The following ZNF558 variants were observed in gnomAD, a reference collection of about 807,000 sequenced individuals.
The protein encoded by ZNF558 is zinc finger protein 558.
A neutral mutation model predicts 37.6 loss-of-function variants in ZNF558; 23 were observed. The observed-to-expected ratio is 0.61, with a 90% confidence interval of 0.44 to 0.87. ZNF558 has a LOEUF of 0.87. Ranked by LOEUF, ZNF558 falls within the 40% of genes least tolerant of loss-of-function variation. The pLI is 0.00. For synonymous variants in ZNF558, 189 were observed against 174.4 expected (o/e 1.08, Z -0.66); for missense variants, 429 against 483.7 (o/e 0.89, Z 1.06).
rs767474130 is a variant in ZNF558 at position 8,821,279 on chromosome 19, C to A, written c.148G>T (p.Val50Leu). Residue 50 changes from valine to leucine, a missense_variant, in exon 7 of 10, where the codon GTG (valine) becomes TTG (leucine). By Grantham distance (32) the Val-to-Leu change is conservative (BLOSUM62 1). Transcript: ENST00000601372. ...RGLVTFEDVA[V>L]EFTQEEWALL... ...GCCCACTCCTCCTGGGTGAACTCCA[C>A]GGCCACATCCTCGAAGGTTACCAAG... The A allele has an allele frequency of 4.3e-6, 7 of 1,614,212 alleles. No homozygotes were observed. Among genetic ancestry groups the A allele is most frequent in the Non-Finnish European group, 5.9e-6 (7 of 1,180,042 alleles).
upstream of ZNF558, among the ~76,000 whole-genome samples, chr19:8,834,469 G>A (rs759782567): frequency 6.6e-5 from 10 of 151,990 alleles, no homozygotes; most frequent in Admixed American, 1.3e-4. Flanking sequence ...TTAGCTGGGC[G>A]TGGTGGCGGG....
rs1599242182 is a variant in ZNF558 at position 8,808,388 on chromosome 19, T to G, written c.*2893A>C. 1 of 94,136 alleles carries G rather than the reference T, an allele frequency of 1.1e-5. No individual in the cohort carries two copies. Among genetic ancestry groups the G allele is most frequent in the Middle Eastern group, 6.0e-3 (1 of 166 alleles). 5.8% of individuals were successfully genotyped at this position (94,136 alleles called of 1,614,324 possible). A position where few individuals can be genotyped will look rare whatever the true frequency, so the allele number is the denominator to read the frequency against. ...TACTTTGCTATGTAAAAATATCATCTCCACATAAAAAGGAATACAGAATAC... is the reference window on the plus strand; with the variant it reads ...TACTTTGCTATGTAAAAATATCATCGCCACATAAAAAGGAATACAGAATAC... On this transcript the variant is annotated 3_prime_UTR_variant, in exon 10 of 10. Transcript: ENST00000601372.
rs1555766357 is a variant in ZNF558 at position 8,806,727 on chromosome 19, T to C, written c.*4554A>G. ...AAAAAAAAAAAAATATTCCCTCCCA[T>C]TGGAAAACATTGTTGCCTTCAGTTT... On this transcript the variant is annotated 3_prime_UTR_variant, in exon 10 of 10. Transcript: ENST00000601372. 1 of 151,716 alleles carries C rather than the reference T, an allele frequency of 6.6e-6. No individual in the cohort carries two copies. The highest frequency in any genetic ancestry group is 6.6e-5 in the Admixed American group (1 of 15,222). 9.4% of individuals were successfully genotyped at this position (151,716 alleles called of 1,614,324 possible).
rs181653629 is a variant in ZNF558 at position 8,822,980 on chromosome 19, C to T, written c.-65-256G>A. On this transcript the variant is annotated intron_variant, in intron 4 of 9. Transcript: ENST00000601372. This position sits in a 1 kb window ranked among gnomAD's most constrained non-coding sequence, Gnocchi z 4.4. ...AGAACCTCGGCTTCACGCAGTCTCA[C>T]GGCATGTTCTTCCCATCCAAGCGCA... The T allele has an allele frequency of 1.0e-5, 4 of 383,060 alleles. No homozygotes were observed. Among genetic ancestry groups the T allele is most frequent in the Non-Finnish European group, 2.0e-5 (4 of 202,240 alleles). 23.7% of individuals were successfully genotyped at this position (383,060 alleles called of 1,614,324 possible). A position where few individuals can be genotyped will look rare whatever the true frequency, so the allele number is the denominator to read the frequency against.
intron 7 of ZNF558, among the ~76,000 whole-genome samples, chr19:8,815,528 C>A (rs1247997563): frequency 6.6e-6 from 1 of 152,054 alleles, no homozygotes; most frequent in Non-Finnish European, 1.5e-5. Context: ...CATGTATAAT[C>A]CCAGCATTTT....
At position 8,818,990 on chromosome 19, in the gene ZNF558, T is replaced by C. The variant is rs2044012845; in HGVS notation, c.247+2190A>G. 2.6e-5 allele frequency among the ~76,000 whole-genome samples: 4 copies of C among 152,200 alleles called. No homozygotes were observed. In the South Asian group the frequency reaches 8.3e-4, roughly 31 times the overall value. On this transcript the variant is annotated intron_variant, in intron 7 of 9. Coordinates refer to ENST00000601372, the MANE Select transcript of ZNF558 (RefSeq NM_144693.3). ...ACATGCAAAAGAATGAAGTTGACCC[T>C]TTCTCCACACCATAAGCAAAATTCA...
In ZNF558 at chr19:8,806,298, T is replaced by C. The variant is rs2043703440; in HGVS notation, c.*4983A>G. ...ATCTTATGTTTCCTGTTGATCTTAA[T>C]TCCTGGAATTATGTATGTCTCTATG... On this transcript the variant is annotated 3_prime_UTR_variant, in exon 10 of 10. Coordinates refer to ENST00000601372, the MANE Select transcript of ZNF558 (RefSeq NM_144693.3). 6.6e-6 allele frequency: 1 copy of C among 152,208 alleles called. No homozygotes were observed. The highest frequency in any genetic ancestry group is 2.4e-5 in the African/African-American group (1 of 41,456). 9.4% of individuals were successfully genotyped at this position (152,208 alleles called of 1,614,324 possible).
chr19:8,811,159 A>C lies in ZNF558; in HGVS notation c.*122T>G. ...AAACATTTCGTGTTTGAAGCCACAA[A>C]ATTTGCGGGGATCATTTGTTATGCT... On this transcript the variant is annotated 3_prime_UTR_variant, in exon 10 of 10. Transcript: ENST00000601372. 9.1e-7 allele frequency: 1 copy of C among 1,097,260 alleles called. No individual in the cohort carries two copies. Among genetic ancestry groups the C allele is most frequent in the Non-Finnish European group, 1.3e-6 (1 of 785,290 alleles). The allele number at this position is 1,097,260 out of a possible 1,614,324, so 68.0% of individuals were successfully genotyped here.
At chr19:8,820,797 C>T (rs1483106957) in intron 7 of ZNF558, among the ~76,000 whole-genome samples, 1 of 152,146 alleles carries the variant, frequency 6.6e-6, no homozygotes, top group Non-Finnish European at 1.5e-5. Context: ...TTTTAAAACA[C>T]TGTGCTACAT....
In ZNF558 at chr19:8,822,854, A is replaced by G; in HGVS notation, c.-65-130T>C. 1 of 802,478 alleles carries G rather than the reference A, an allele frequency of 1.2e-6. No individual in the cohort carries two copies. Among genetic ancestry groups the G allele is most frequent in the South Asian group, 1.7e-5 (1 of 58,414 alleles). The allele number at this position is 802,478 out of a possible 1,614,324, so 49.7% of individuals were successfully genotyped here. On this transcript the variant is annotated intron_variant, in intron 4 of 9. Coordinates refer to ENST00000601372, the MANE Select transcript of ZNF558 (RefSeq NM_144693.3). The surrounding 1 kb of genome is among the most constrained non-coding windows in gnomAD (Gnocchi z 4.4). ...GTTCCGGCTTCCACACTGGGCCTTT[A>G]TTTTGCTGAGCAGGCAATGAATTCA... is the stretch of plus-strand genomic sequence containing the variant.
intron 4 of ZNF558, among the ~76,000 whole-genome samples, chr19:8,823,259 C>T (rs1448259243): frequency 1.3e-5 from 2 of 151,770 alleles, no homozygotes; most frequent in Non-Finnish European, 2.9e-5. Context: ...CTGAACCCAA[C>T]CTCCCTCCTC....
At chr19:8,816,043 G>A (rs1358820785) in intron 7 of ZNF558, among the ~76,000 whole-genome samples, 1 of 127,258 alleles carries the variant, frequency 7.9e-6, no homozygotes, top group Non-Finnish European at 1.7e-5. Flanking sequence ...AAAAAATAGA[G>A]ATTCATACTG....
At chr19:8,832,734 A>C (rs1339522693), upstream of ZNF558, among the ~76,000 whole-genome samples, 3 of 147,496 alleles carry the variant, frequency 2.0e-5, no homozygotes, top group African/African-American at 7.6e-5. Flanking sequence ...GGATGGTATA[A>C]GGCTTCTAGA....
At chr19:8,821,954 C>A (rs956251416) in intron 6 of ZNF558, 49 bp downstream of exon 6, 7 of 1,609,886 alleles carry the variant, frequency 4.3e-6, no homozygotes, top group African/African-American at 2.7e-5. Flanking sequence ...TCAAGTCCAA[C>A]CTTCTGGCCA....
upstream of ZNF558, among the ~76,000 whole-genome samples, chr19:8,832,689 G>A (rs980803676): frequency 6.6e-6 from 1 of 152,070 alleles, no homozygotes; most frequent in Non-Finnish European, 1.5e-5. Flanking sequence ...CCAGTTCCAG[G>A]GTCGGGGCTG....
chr19:8,824,508 A>C (rs968309302), intron 3 of ZNF558, 91 bp from the exon 4 acceptor site: 4 of 152,204 alleles, frequency 2.6e-5, no homozygotes, highest in African/African-American at 9.7e-5. Context: ...AGAGATGACA[A>C]ATCATCTCAT....
At chr19:8,833,296 AG>A (rs1568481835), upstream of ZNF558, 2 of 152,218 alleles carry the variant, frequency 1.3e-5, no homozygotes, top group Non-Finnish European at 2.9e-5. Context: ...GGCAGAACAT[AG>A]TGATTTAACA....
At chr19:8,838,064 T>C in the ZNF558 span, among the ~76,000 whole-genome samples, 13 of 151,456 alleles carry the variant, frequency 8.6e-5, no homozygotes, top group Admixed American at 4.0e-4. Context: ...CTGGATAACA[T>C]GGTGAAACCC....
rs913931412 is a variant in ZNF558, at chr19:8,817,764, A to G, written c.247+3416T>C. On this transcript the variant is annotated intron_variant, in intron 7 of 9. Coordinates refer to ENST00000601372, the MANE Select transcript of ZNF558 (RefSeq NM_144693.3). ...CAGAGAAAGACATTATAGTTGTATA[A>G]AGCATCAATTTATGGAGAAAATGTA... Among the ~76,000 whole-genome samples the G allele has an allele frequency of 2.6e-5, 4 of 152,348 alleles. No homozygotes were observed. The South Asian group carries it at 8.3e-4, about 32-fold the overall frequency.
Sources: allele counts gnomAD v4.1 joint callset (sites outside exome capture counted in the v4.1 genomes callset), GRCh38; gene constraint gnomAD v4.1.1; non-coding constraint Gnocchi (gnomAD v3.1); transcripts MANE v1.5; gene names NCBI Gene and HGNC (gene_info 2026-07-23, HGNC 2026-07-21).